SGCZ: variants seen among roughly 807,000 people sequenced by gnomAD.
The protein encoded by SGCZ is sarcoglycan zeta, also known as zeta-sarcoglycan.
SGCZ carries 40 observed loss-of-function variants against 41.3 expected under a neutral mutation model. That is an observed-to-expected ratio of 0.97 (90% CI 0.75 to 1.26). SGCZ has a LOEUF of 1.26. Among genes scored for constraint, SGCZ ranks in the 50% most tolerant of loss-of-function variants. SGCZ has a pLI of 0.00. For missense variants in SGCZ, 552 were observed against 369.8 expected, an observed-to-expected ratio of 1.49 and a Z score of -4.04; for synonymous variants, 206 against 137.5, an observed-to-expected ratio of 1.50 and a Z score of -3.49.
At chr8:14,377,028 T>G (rs1804157458) in intron 2 of SGCZ, among the ~76,000 whole-genome samples, 1 of 152,180 alleles carries the variant, frequency 6.6e-6, no homozygotes, top group Admixed American at 6.5e-5. Context: ...AATAAACCCC[T>G]TTCCGCCATA....
chr8:14,228,839 G>C (rs977228), intron 4 of SGCZ, among the ~76,000 whole-genome samples: 1 of 151,974 alleles, frequency 6.6e-6, no homozygotes, highest in Admixed American at 6.6e-5. Flanking sequence ...GTCTGGAAAA[G>C]GAAAAATTTC....
intron 1 of SGCZ, among the ~76,000 whole-genome samples, chr8:14,832,433 G>A (rs1483971111): frequency 6.6e-6 from 1 of 152,090 alleles, no homozygotes; most frequent in African/African-American, 2.4e-5. Context: ...CCAAGAGGTT[G>A]GTTAGAAATA....
intron 1 of SGCZ, among the ~76,000 whole-genome samples, chr8:14,610,986 G>A (rs1169786134): frequency 6.6e-6 from 1 of 151,942 alleles, no homozygotes; most frequent in Non-Finnish European, 1.5e-5. Context: ...TCTTTGATAG[G>A]CTCAGCTACT....
intron 1 of SGCZ, among the ~76,000 whole-genome samples, chr8:14,927,100 TTC>T (rs1347814528): frequency 6.0e-4 from 70 of 116,408 alleles, no homozygotes; most frequent in African/African-American, 2.9e-3. Flanking sequence ...AAGTTCCTGA[TTC>T]TTTTTTTTTT....
intron 1 of SGCZ, among the ~76,000 whole-genome samples, chr8:15,085,103 G>C (rs552578257): frequency 6.6e-6 from 1 of 152,122 alleles, no homozygotes; most frequent in East Asian, 1.9e-4. Flanking sequence ...TGGCTTTGAT[G>C]AAGAAAATGA....
intron 1 of SGCZ, among the ~76,000 whole-genome samples, chr8:14,809,485 A>G (rs1462964473): frequency 1.3e-5 from 2 of 152,162 alleles, no homozygotes; most frequent in Admixed American, 1.3e-4. Context: ...TTTTTTCGGC[A>G]TAGAAACCAC....
At chr8:14,548,037 G>A (rs1803684906) in intron 2 of SGCZ, among the ~76,000 whole-genome samples, 1 of 152,140 alleles carries the variant, frequency 6.6e-6, no homozygotes, top group African/African-American at 2.4e-5. Context: ...AAGTCTGATA[G>A]TATATGTTGT....
At chr8:14,427,046 GAATGA>G (rs1359075031) in intron 2 of SGCZ, among the ~76,000 whole-genome samples, 1 of 141,880 alleles carries the variant, frequency 7.0e-6, no homozygotes, top group African/African-American at 2.5e-5. Flanking sequence ...ATGAATGAAT[GAATGA>G]ATGAATGAAT....
chr8:14,900,281 A>T (rs1478117159), intron 1 of SGCZ, among the ~76,000 whole-genome samples: 2 of 152,078 alleles, frequency 1.3e-5, no homozygotes, highest in East Asian at 3.9e-4. Context: ...CAGAATGTAA[A>T]ATTTAAAAAT....
At chr8:14,406,140 T>C (rs1296516337) in intron 2 of SGCZ, among the ~76,000 whole-genome samples, 2 of 152,112 alleles carry the variant, frequency 1.3e-5, no homozygotes, top group Non-Finnish European at 1.5e-5. Flanking sequence ...TTTTTGAACA[T>C]ATCAAGCTTA....
intron 6 of SGCZ, among the ~76,000 whole-genome samples, chr8:14,104,679 G>T (rs1317386081): frequency 6.6e-6 from 1 of 152,154 alleles, no homozygotes; most frequent in South Asian, 2.1e-4. Flanking sequence ...TTGAGGAAAT[G>T]TCTCAGACAA....
Position 14,433,241 on chromosome 8 carries a change from T to C in SGCZ, c.235-109037A>G, listed in dbSNP as rs576076878. ...AAGTTGCAGCTGCCCAAAGTTTGCC[T>C]GCAATCTGAATAAAGATAACATTTA... On this transcript the variant is annotated intron_variant, in intron 2 of 7. Coordinates refer to ENST00000382080, the MANE Select transcript of SGCZ (RefSeq NM_139167.4). Among the ~76,000 whole-genome samples, 184 of 152,314 alleles carry C rather than the reference T, an allele frequency of 1.2e-3. 1 individual carries two copies. Among genetic ancestry groups the C allele is most frequent in the Non-Finnish European group, 1.9e-3 (126 of 68,022 alleles).
intron 1 of SGCZ, among the ~76,000 whole-genome samples, chr8:14,758,080 C>T (rs977988890): frequency 3.3e-5 from 5 of 152,072 alleles, no homozygotes; most frequent in African/African-American, 1.2e-4. Context: ...ATTTTTCCTA[C>T]ATGATTATTT....
At chr8:14,358,814 T>G (rs1392081366) in intron 2 of SGCZ, among the ~76,000 whole-genome samples, 1 of 152,086 alleles carries the variant, frequency 6.6e-6, no homozygotes, top group Non-Finnish European at 1.5e-5. Flanking sequence ...TTTCACCATC[T>G]TGGCCAGGCT....
chr8:14,286,460 A>G (rs1800633551), intron 3 of SGCZ, among the ~76,000 whole-genome samples: 1 of 142,262 alleles, frequency 7.0e-6, no homozygotes, highest in Admixed American at 6.9e-5. Flanking sequence ...CCTTCTCACA[A>G]AACTCCAGCT....
chr8:14,331,024 A>C (rs1194105473), intron 2 of SGCZ, among the ~76,000 whole-genome samples: 2 of 151,928 alleles, frequency 1.3e-5, no homozygotes, highest in East Asian at 3.9e-4. Flanking sequence ...AATAGGAAGG[A>C]AGGTAGATAC....
In SGCZ at chr8:15,217,051, TA is replaced by T. The variant is rs1027921947; in HGVS notation, c.39+20533del. ...TGTCCTGCTTATGCGCTTATATTCT[TA>T]AAAAAAAAAAAATTGTTAGGATCAA... On this transcript the variant is annotated intron_variant, in intron 1 of 7. Coordinates refer to ENST00000382080, the MANE Select transcript of SGCZ (RefSeq NM_139167.4). 6.2e-3 allele frequency among the ~76,000 whole-genome samples: 905 copies of T among 145,088 alleles called. 6 individuals are homozygous for T. Among genetic ancestry groups the T allele is most frequent in the Middle Eastern group, 0.033 (9 of 270 alleles).
At chr8:14,786,046 T>A (rs181204572) in intron 1 of SGCZ, among the ~76,000 whole-genome samples, 2,043 of 132,912 alleles carry the variant, frequency 0.015, 39 homozygotes, top group African/African-American at 0.071. Flanking sequence ...TTTTAAGACT[T>A]TATTGTCCTA....
chr8:14,269,414 A>G (rs1799987122), intron 3 of SGCZ, among the ~76,000 whole-genome samples: 1 of 151,974 alleles, frequency 6.6e-6, no homozygotes, highest in African/African-American at 2.4e-5. Context: ...ACAGGATCAT[A>G]TCCATTTACT....
Sources: allele counts gnomAD v4.1 joint callset (sites outside exome capture counted in the v4.1 genomes callset), GRCh38; gene constraint gnomAD v4.1.1; transcripts MANE v1.5; gene names NCBI Gene and HGNC (gene_info 2026-07-23, HGNC 2026-07-21).